LINGO2: variants seen among roughly 807,000 people sequenced by gnomAD.
The protein encoded by LINGO2 is leucine-rich repeat and immunoglobulin-like domain-containing nogo receptor-interacting protein 2.
A neutral mutation model predicts 30.6 loss-of-function variants in LINGO2; 14 were observed. The ratio of observed to expected loss-of-function variants is 0.46; its 90% CI spans 0.30 to 0.72. The LOEUF (loss-of-function observed/expected upper bound fraction) is 0.72, where lower values mean the gene tolerates loss of function less well. Among genes scored for constraint, LINGO2 ranks in the 30% least tolerant of loss-of-function variants. LINGO2 has a pLI of 0.07. For synonymous variants in LINGO2, 317 were observed against 288.5 expected, an observed-to-expected ratio of 1.10 and a Z score of -1.00; for missense variants, 729 against 751.7, an observed-to-expected ratio of 0.97 and a Z score of 0.35.
At chr9:28,687,443 G>GTC in the LINGO2 span, among the ~76,000 whole-genome samples, 2 of 152,116 alleles carry the variant, frequency 1.3e-5, no homozygotes, top group Non-Finnish European at 2.9e-5. Context: ...TTCTTAAAAT[G>GTC]TCAAAGGCAG....
the LINGO2 span, among the ~76,000 whole-genome samples, chr9:29,031,411 T>C: frequency 2.0e-5 from 3 of 152,058 alleles, no homozygotes; most frequent in Admixed American, 6.6e-5. Context: ...GCCTCTCAAG[T>C]AGCTAGGATT....
intron 4 of LINGO2, among the ~76,000 whole-genome samples, chr9:28,117,747 C>A (rs1361237609): frequency 6.8e-6 from 1 of 147,158 alleles, no homozygotes; most frequent in Non-Finnish European, 1.5e-5. Flanking sequence ...CCAGGTGAGG[C>A]AATGCCTTGC....
At chr9:28,015,864 C>T (rs1366768783) in intron 4 of LINGO2, among the ~76,000 whole-genome samples, 1 of 152,040 alleles carries the variant, frequency 6.6e-6, no homozygotes, top group Non-Finnish European at 1.5e-5. Context: ...GCACCCTGAA[C>T]TGTGCTGAAT....
the LINGO2 span, among the ~76,000 whole-genome samples, chr9:28,995,614 C>T: frequency 2.6e-5 from 4 of 152,090 alleles, no homozygotes; most frequent in Admixed American, 6.6e-5. Context: ...AGACTTGGAA[C>T]CAACCCAAAT....
the LINGO2 span, among the ~76,000 whole-genome samples, chr9:28,916,336 T>G: frequency 1.3e-5 from 2 of 152,166 alleles, no homozygotes; most frequent in African/African-American, 4.8e-5. Context: ...TTTCTAGGTC[T>G]TTTTCCTGAT....
chr9:28,454,425 T>C (rs1255268664), intron 2 of LINGO2, among the ~76,000 whole-genome samples: 1 of 151,918 alleles, frequency 6.6e-6, no homozygotes. Context: ...AAAGGGTTGA[T>C]ATAACACCTG....
chr9:28,498,436 T>C (rs551425985), intron 1 of LINGO2, among the ~76,000 whole-genome samples: 47 of 152,282 alleles, frequency 3.1e-4, no homozygotes, highest in Non-Finnish European at 5.4e-4. Flanking sequence ...CGAGCTTCTG[T>C]GGGCATGGGT....
At chr9:28,898,395 G>C in the LINGO2 span, among the ~76,000 whole-genome samples, 4 of 152,106 alleles carry the variant, frequency 2.6e-5, no homozygotes, top group Admixed American at 2.0e-4. Flanking sequence ...CTAAGGCACT[G>C]ACACTCAGAA....
the LINGO2 span, among the ~76,000 whole-genome samples, chr9:29,180,873 A>G: frequency 6.6e-6 from 1 of 152,206 alleles, no homozygotes. Flanking sequence ...AGAAAGAATA[A>G]CCAAACACAA....
At chr9:28,456,002 C>A (rs1410998164) in intron 2 of LINGO2, among the ~76,000 whole-genome samples, 1 of 152,146 alleles carries the variant, frequency 6.6e-6, no homozygotes, top group Non-Finnish European at 1.5e-5. Flanking sequence ...CCACTAACTT[C>A]CATATTCCCA....
At chr9:28,851,182 A>G in the LINGO2 span, among the ~76,000 whole-genome samples, 1 of 152,072 alleles carries the variant, frequency 6.6e-6, no homozygotes, top group Non-Finnish European at 1.5e-5. Flanking sequence ...AAATTAAGTA[A>G]CACAGATTTA....
At chr9:28,685,050 G>T in the LINGO2 span, among the ~76,000 whole-genome samples, 1 of 152,048 alleles carries the variant, frequency 6.6e-6, no homozygotes, top group Non-Finnish European at 1.5e-5. Flanking sequence ...TTCTTGTTTA[G>T]CTTCCACTTA....
At chr9:29,032,228 T>C in the LINGO2 span, among the ~76,000 whole-genome samples, 3 of 152,206 alleles carry the variant, frequency 2.0e-5, no homozygotes, top group African/African-American at 7.2e-5. Context: ...TATATATTTC[T>C]AAATTGAAGA....
At chr9:28,770,154 T>A in the LINGO2 span, among the ~76,000 whole-genome samples, 1 of 152,182 alleles carries the variant, frequency 6.6e-6, no homozygotes, top group Non-Finnish European at 1.5e-5. Flanking sequence ...ACAAGGGAGC[T>A]CCTTCCGTTC....
chr9:28,920,440 C>A, the LINGO2 span, among the ~76,000 whole-genome samples: 23 of 152,196 alleles, frequency 1.5e-4, no homozygotes, highest in African/African-American at 4.6e-4. Flanking sequence ...TGCCTTATGT[C>A]ACATTCCCTC....
intron 3 of LINGO2, among the ~76,000 whole-genome samples, chr9:28,338,507 T>C (rs1364132820): frequency 1.3e-5 from 2 of 152,046 alleles, no homozygotes; most frequent in African/African-American, 2.4e-5. Flanking sequence ...GACATGAGAT[T>C]TGGGAGGTAC....
chr9:28,926,518 G>A, the LINGO2 span, among the ~76,000 whole-genome samples: 1 of 119,230 alleles, frequency 8.4e-6, no homozygotes, highest in Non-Finnish European at 1.9e-5. Flanking sequence ...GCAGAAATGA[G>A]GAAGCCTGGT....
At chr9:28,882,717 T>C in the LINGO2 span, among the ~76,000 whole-genome samples, 3 of 152,278 alleles carry the variant, frequency 2.0e-5, no homozygotes, top group East Asian at 5.8e-4. Flanking sequence ...CACTGACACA[T>C]ATTCAGTGAC....
intron 1 of LINGO2, among the ~76,000 whole-genome samples, chr9:28,590,548 C>G (rs529133925): frequency 6.6e-6 from 1 of 152,116 alleles, no homozygotes; most frequent in South Asian, 2.1e-4. Context: ...CCAAAAAACA[C>G]ATGAAAAAAT....
Sources: allele counts gnomAD v4.1 joint callset (sites outside exome capture counted in the v4.1 genomes callset), GRCh38; gene constraint gnomAD v4.1.1; transcripts MANE v1.5; gene names NCBI Gene and HGNC (gene_info 2026-07-23, HGNC 2026-07-21).